PTPRD: variants seen among roughly 807,000 people sequenced by gnomAD.
PTPRD encodes receptor-type tyrosine-protein phosphatase delta.
PTPRD carries 34 observed loss-of-function variants against 214.5 expected under a neutral mutation model. That is an observed-to-expected ratio of 0.16 (90% CI 0.12 to 0.21). The LOEUF (loss-of-function observed/expected upper bound fraction) is 0.21. Among genes scored for constraint, PTPRD ranks in the 10% least tolerant of loss-of-function variants. PTPRD has a pLI of 1.00. For missense variants in PTPRD, 2,545 were observed against 2,398.7 expected, an observed-to-expected ratio of 1.06 and a Z score of -1.27; for synonymous variants, 1,128 against 845.7, an observed-to-expected ratio of 1.33 and a Z score of -5.79.
chr9:9,091,317 A>G (rs1162154341), intron 10 of PTPRD: 1 of 1,000,130 alleles, frequency 1.0e-6, no homozygotes, highest in African/African-American at 1.6e-5. Flanking sequence ...GTACTTTAAA[A>G]AAAAAATTTC....
intron 5 of PTPRD, among the ~76,000 whole-genome samples, chr9:9,779,802 A>G (rs574822622): frequency 6.6e-6 from 1 of 152,154 alleles, no homozygotes; most frequent in Non-Finnish European, 1.5e-5. Context: ...CCAGCTATGT[A>G]AATTAGTATG....
chr9:9,795,324 T>G (rs1359855987), intron 5 of PTPRD, among the ~76,000 whole-genome samples: 1 of 152,136 alleles, frequency 6.6e-6, no homozygotes, highest in African/African-American at 2.4e-5. Flanking sequence ...AGGGAAAGTT[T>G]TTAGGAATAC....
intron 7 of PTPRD, among the ~76,000 whole-genome samples, chr9:9,731,438 C>A (rs1370899179): frequency 6.9e-6 from 1 of 144,852 alleles, no homozygotes; most frequent in African/African-American, 2.7e-5. Context: ...TAGAAGCAAG[C>A]AATTCTAGAA....
intron 3 of PTPRD, among the ~76,000 whole-genome samples, chr9:10,128,800 AT>A (rs1204204079): frequency 1.3e-5 from 2 of 152,086 alleles, no homozygotes; most frequent in Non-Finnish European, 2.9e-5. Context: ...GCAAACTTCA[AT>A]TTTTTGAAAC....
chr9:8,582,655 G>T (rs1303982041), intron 14 of PTPRD, among the ~76,000 whole-genome samples: 1 of 152,178 alleles, frequency 6.6e-6, no homozygotes, highest in Non-Finnish European at 1.5e-5. Context: ...CTAGGCACCA[G>T]TGGGGGGAAA....
At chr9:9,386,437 T>G (rs10124880) in intron 9 of PTPRD, among the ~76,000 whole-genome samples, 36,134 of 151,968 alleles carry the variant, frequency 0.24, 4,369 homozygotes, top group Middle Eastern at 0.37. Context: ...TGAGGGTAGA[T>G]CCCGGTAAAA....
chr9:10,132,157 G>C (rs535970881), intron 3 of PTPRD, among the ~76,000 whole-genome samples: 103 of 152,066 alleles, frequency 6.8e-4, no homozygotes, highest in African/African-American at 2.4e-3. Context: ...TGGGTAATTT[G>C]TGATCTTTTT....
intron 9 of PTPRD, among the ~76,000 whole-genome samples, chr9:9,335,616 A>G (rs2044132917): frequency 1.3e-5 from 2 of 152,100 alleles, no homozygotes; most frequent in African/African-American, 4.8e-5. Flanking sequence ...GTGTTAAAAT[A>G]CAATAATATG....
At chr9:9,940,188 G>A (rs759578305) in intron 4 of PTPRD, among the ~76,000 whole-genome samples, 1 of 152,138 alleles carries the variant, frequency 6.6e-6, no homozygotes, top group African/African-American at 2.4e-5. Context: ...CAGATATATA[G>A]TGGGCCTCTT....
chr9:10,250,498 C>A (rs2092671758), intron 3 of PTPRD, among the ~76,000 whole-genome samples: 1 of 152,010 alleles, frequency 6.6e-6, no homozygotes, highest in Non-Finnish European at 1.5e-5. Flanking sequence ...AGGGGCTTGG[C>A]TATTTTCAAG....
chr9:8,991,118 C>T (rs2099364827), intron 11 of PTPRD, among the ~76,000 whole-genome samples: 1 of 150,956 alleles, frequency 6.6e-6, no homozygotes, highest in South Asian at 2.1e-4. Context: ...ACTCGGGAGG[C>T]TGAGGCAGGA....
At chr9:9,667,413 A>G (rs1456015757) in intron 7 of PTPRD, among the ~76,000 whole-genome samples, 3 of 152,154 alleles carry the variant, frequency 2.0e-5, no homozygotes, top group African/African-American at 7.2e-5. Context: ...GATCACAGCC[A>G]GCAAAACTGT....
chr9:10,189,842 G>T (rs185744013), intron 3 of PTPRD, among the ~76,000 whole-genome samples: 2 of 152,234 alleles, frequency 1.3e-5, no homozygotes, highest in Admixed American at 1.3e-4. Flanking sequence ...AGTTTGGCAA[G>T]GAATGAGGGA....
intron 32 of PTPRD, among the ~76,000 whole-genome samples, chr9:8,463,138 C>T (rs904779438): frequency 6.6e-6 from 1 of 151,552 alleles, no homozygotes; most frequent in Non-Finnish European, 1.5e-5. Context: ...GTACAATGAG[C>T]TTGGCCATCA....
At chr9:9,788,159 T>A (rs1044857574) in intron 5 of PTPRD, among the ~76,000 whole-genome samples, 7 of 152,032 alleles carry the variant, frequency 4.6e-5, no homozygotes, top group Non-Finnish European at 7.4e-5. Flanking sequence ...TCTAAAAATG[T>A]TTCTTTCCTT....
At chr9:9,899,860 T>G (rs1397467355) in intron 5 of PTPRD, among the ~76,000 whole-genome samples, 1 of 151,970 alleles carries the variant, frequency 6.6e-6, no homozygotes, top group African/African-American at 2.4e-5. Flanking sequence ...AACACTAGTC[T>G]TAAGAAAGAA....
intron 5 of PTPRD, among the ~76,000 whole-genome samples, chr9:9,931,827 G>A (rs1402930187): frequency 9.3e-5 from 14 of 151,152 alleles, no homozygotes; most frequent in Non-Finnish European, 1.8e-4. Context: ...AAATGTCCCT[G>A]TCTGACAGCT....
intron 2 of PTPRD, among the ~76,000 whole-genome samples, chr9:10,568,447 A>G (rs1313038512): frequency 6.6e-6 from 1 of 152,108 alleles, no homozygotes; most frequent in African/African-American, 2.4e-5. Context: ...GTGTCTTCAT[A>G]GCAGCATGAT....
chr9:8,349,290 T>G (rs1343273090), intron 39 of PTPRD, among the ~76,000 whole-genome samples: 1 of 152,110 alleles, frequency 6.6e-6, no homozygotes. Context: ...ATGTTGAAAA[T>G]TCAGAGCTTT....
Sources: gnomAD v4.1 joint callset for allele counts (sites outside exome capture counted in the v4.1 genomes callset) on GRCh38, gnomAD v4.1.1 for gene constraint, MANE v1.5 for transcripts, NCBI Gene and HGNC (gene_info 2026-07-23, HGNC 2026-07-21) for gene names.